The following PSD3 variants were observed in gnomAD, a reference collection of about 807,000 sequenced individuals.
PSD3 encodes the protein PH and SEC7 domain-containing protein 3.
A neutral mutation model predicts 105.5 loss-of-function variants in PSD3; 49 were observed. That is an observed-to-expected ratio of 0.46 (90% CI 0.37 to 0.59). The LOEUF (loss-of-function observed/expected upper bound fraction) is 0.59, where lower values mean the gene tolerates loss of function less well. PSD3 is among the 20% of genes least tolerant of loss of function. The pLI is 0.00. For synonymous variants in PSD3, 557 were observed against 457.8 expected (o/e 1.22, Z -2.77); for missense variants, 1,561 against 1,263.8 (o/e 1.24, Z -3.57).
At chr8:18,581,649 C>A (rs1451576914) in intron 12 of PSD3, among the ~76,000 whole-genome samples, 2 of 152,162 alleles carry the variant, frequency 1.3e-5, no homozygotes, top group Admixed American at 6.5e-5. Flanking sequence ...CCAACCTTCA[C>A]CTATACACTT....
chr8:18,888,593 G>C (rs900672793), intron 2 of PSD3, among the ~76,000 whole-genome samples: 4 of 152,062 alleles, frequency 2.6e-5, no homozygotes, highest in Admixed American at 6.6e-5. Context: ...AAAGCTCAAG[G>C]TTTTATTACT....
rs148953859 is a variant in PSD3, at chr8:18,806,896, A to G, written c.1635-1998T>C. Among the ~76,000 whole-genome samples the G allele has an allele frequency of 1.8e-3, 269 of 152,348 alleles. 2 individuals carry two copies. Among genetic ancestry groups the G allele is most frequent in the African/African-American group, 6.1e-3 (254 of 41,584 alleles). ...AATAAATAAAGAAGGCATTATCAAT[A>G]AAAAAGCAGTACTGCTAATGGGCAT... On this transcript the variant is annotated intron_variant, in intron 4 of 15. Coordinates refer to ENST00000327040, the MANE Select transcript of PSD3 (RefSeq NM_015310.4).
intron 1 of PSD3, among the ~76,000 whole-genome samples, chr8:18,996,455 G>A (rs1413770711): frequency 6.6e-6 from 1 of 151,794 alleles, no homozygotes; most frequent in East Asian, 1.9e-4. Context: ...AAACAGTTTT[G>A]ATTTTTGATG....
chr8:18,798,827 G>A (rs1057423353), intron 8 of PSD3, among the ~76,000 whole-genome samples: 6 of 151,918 alleles, frequency 3.9e-5, no homozygotes, highest in Admixed American at 6.6e-5. Flanking sequence ...ATGATGAGAC[G>A]GTAATTAGTT....
intron 9 of PSD3, among the ~76,000 whole-genome samples, chr8:18,736,514 C>T (rs1027010924): frequency 6.6e-6 from 1 of 152,072 alleles, no homozygotes; most frequent in Non-Finnish European, 1.5e-5. Context: ...AAACTAGAGT[C>T]TATTTATTAA....
chr8:18,900,659 T>G (rs867141638), intron 2 of PSD3, among the ~76,000 whole-genome samples: 2 of 149,848 alleles, frequency 1.3e-5, no homozygotes, highest in African/African-American at 4.9e-5. Context: ...TTTTTTTTTT[T>G]TTTTTTTGGG....
At chr8:18,626,844 G>A (rs1806517703) in intron 11 of PSD3, among the ~76,000 whole-genome samples, 1 of 152,100 alleles carries the variant, frequency 6.6e-6, no homozygotes, top group African/African-American at 2.4e-5. Context: ...GGAAACGAAA[G>A]CTTTTCTACA....
At chr8:18,861,885 G>C (rs1049863612) in intron 4 of PSD3, among the ~76,000 whole-genome samples, 5 of 151,880 alleles carry the variant, frequency 3.3e-5, no homozygotes, top group African/African-American at 1.2e-4. Flanking sequence ...AGACCTCCCC[G>C]AGAACAAGCT....
chr8:18,646,358 G>T (rs1808033948), intron 10 of PSD3, among the ~76,000 whole-genome samples: 1 of 151,994 alleles, frequency 6.6e-6, no homozygotes, highest in Non-Finnish European at 1.5e-5. Flanking sequence ...TAGGGATTAA[G>T]GATATACAGT....
intron 1 of PSD3, among the ~76,000 whole-genome samples, chr8:18,941,000 T>A (rs1822503129): frequency 1.3e-5 from 2 of 152,170 alleles, no homozygotes; most frequent in Non-Finnish European, 2.9e-5. Flanking sequence ...TATTGATACA[T>A]CCTCTTCCCA....
intron 9 of PSD3, among the ~76,000 whole-genome samples, chr8:18,687,276 C>A (rs1003823110): frequency 1.3e-5 from 2 of 151,980 alleles, no homozygotes; most frequent in African/African-American, 4.8e-5. Context: ...CCAACCTGGG[C>A]AAAACAGTGA....
At chr8:19,075,253 T>C (rs1829428262) in intron 1 of PSD3, among the ~76,000 whole-genome samples, 1 of 152,074 alleles carries the variant, frequency 6.6e-6, no homozygotes, top group Admixed American at 6.6e-5. Flanking sequence ...TGACCATTAA[T>C]TACGAATTTT....
chr8:18,772,805 C>A (rs147413876), intron 8 of PSD3, among the ~76,000 whole-genome samples: 4 of 152,106 alleles, frequency 2.6e-5, no homozygotes, highest in Non-Finnish European at 1.5e-5. Context: ...CCACTGCGCC[C>A]GGCCCTTGTG....
rs559860035 is a variant in PSD3 at position 18,635,273 on chromosome 8, C to A, written c.2217-2467G>T. ...TGAAATCAACCACTTCTCCAAGGAG[C>A]CTTGGTTCTTCTTACTGGAGAACAG... On this transcript the variant is annotated intron_variant, in intron 10 of 15. Transcript: ENST00000327040. Among the ~76,000 whole-genome samples, 4 of 152,224 alleles carry A rather than the reference C, an allele frequency of 2.6e-5. No individual in the cohort carries two copies. The East Asian group carries it at 7.8e-4, about 30-fold the overall frequency.
chr8:18,633,208 C>G (rs1440469478), intron 10 of PSD3, among the ~76,000 whole-genome samples: 1 of 151,990 alleles, frequency 6.6e-6, no homozygotes, highest in Non-Finnish European at 1.5e-5. Context: ...ATGATTTTGA[C>G]TTACGTATTT....
intron 1 of PSD3, among the ~76,000 whole-genome samples, chr8:19,030,673 C>T (rs1186795594): frequency 6.6e-6 from 1 of 152,142 alleles, no homozygotes; most frequent in African/African-American, 2.4e-5. Context: ...GTACAGTCTA[C>T]AGAACTGTGA....
chr8:18,813,088 G>A (rs1811839087), intron 4 of PSD3, among the ~76,000 whole-genome samples: 1 of 152,162 alleles, frequency 6.6e-6, no homozygotes, highest in African/African-American at 2.4e-5. Context: ...TGAATATGAA[G>A]GAAAAGCCTC....
intron 1 of PSD3, among the ~76,000 whole-genome samples, chr8:19,052,447 G>A (rs1462908737): frequency 3.4e-5 from 5 of 147,730 alleles, no homozygotes; most frequent in Non-Finnish European, 5.9e-5. Flanking sequence ...ACTCCAGCCT[G>A]GTGACAGAGC....
chr8:18,715,559 G>T (rs1433831720), intron 9 of PSD3, among the ~76,000 whole-genome samples: 1 of 152,014 alleles, frequency 6.6e-6, no homozygotes. Context: ...CTACAGACTA[G>T]AAGGCTTTAG....
Sources: allele counts gnomAD v4.1 joint callset (sites outside exome capture counted in the v4.1 genomes callset), GRCh38; gene constraint gnomAD v4.1.1; transcripts MANE v1.5; gene names NCBI Gene and HGNC (gene_info 2026-07-23, HGNC 2026-07-21).